UNC5C: variants seen among roughly 807,000 people sequenced by gnomAD.
UNC5C encodes netrin receptor UNC5C.
Under a neutral mutation model 99.8 loss-of-function variants are expected in UNC5C, and 47 were observed. That is an observed-to-expected ratio of 0.47 (90% confidence interval 0.37 to 0.60). The LOEUF (loss-of-function observed/expected upper bound fraction) is 0.60, where lower values mean the gene tolerates loss of function less well. Among genes scored for constraint, UNC5C ranks in the 20% least tolerant of loss-of-function variants. UNC5C has a pLI of 0.00. For missense variants in UNC5C, 1,062 were observed against 1,165.9 expected (o/e 0.91, Z 1.30); for synonymous variants, 487 against 452.2 (o/e 1.08, Z -0.98).
chr4:95,512,099 G>A (rs1383362407), intron 1 of UNC5C, among the ~76,000 whole-genome samples: 1 of 152,142 alleles, frequency 6.6e-6, no homozygotes, highest in Non-Finnish European at 1.5e-5. Flanking sequence ...CAGGAGGCAG[G>A]AGCGAGAAGG....
intron 2 of UNC5C, among the ~76,000 whole-genome samples, chr4:95,302,127 C>T (rs998063455): frequency 6.6e-6 from 1 of 152,068 alleles, no homozygotes; most frequent in African/African-American, 2.4e-5. Context: ...GTAAAATAAA[C>T]GTATGTACAC....
chr4:95,506,636 T>A (rs886582085), intron 1 of UNC5C, among the ~76,000 whole-genome samples: 1 of 151,970 alleles, frequency 6.6e-6, no homozygotes, highest in Non-Finnish European at 1.5e-5. Flanking sequence ...AAAATGGCTA[T>A]GTAGTCAGCC....
At chr4:95,221,324 A>G (rs1738460327) in intron 7 of UNC5C, among the ~76,000 whole-genome samples, 1 of 152,172 alleles carries the variant, frequency 6.6e-6, no homozygotes, top group African/African-American at 2.4e-5. Flanking sequence ...GGTCAATTTT[A>G]TATACATGTA....
chr4:95,476,504 G>A (rs180957644), intron 1 of UNC5C, among the ~76,000 whole-genome samples: 1 of 151,974 alleles, frequency 6.6e-6, no homozygotes, highest in East Asian at 1.9e-4. Flanking sequence ...TAACTTTTTA[G>A]AACTGGGGTG....
At chr4:95,269,433 C>T (rs1035364174) in intron 4 of UNC5C, among the ~76,000 whole-genome samples, 2 of 152,078 alleles carry the variant, frequency 1.3e-5, no homozygotes, top group Non-Finnish European at 2.9e-5. Context: ...TAGCACACAC[C>T]GCCATGCCTG....
At chr4:95,457,955 A>G (rs1452541624) in intron 1 of UNC5C, among the ~76,000 whole-genome samples, 2 of 152,140 alleles carry the variant, frequency 1.3e-5, no homozygotes, top group Non-Finnish European at 2.9e-5. Flanking sequence ...ATTCTGTTCT[A>G]TAGAACTCTG....
Position 95,392,012 on chromosome 4 carries a change from G to A in UNC5C, c.125-56381C>T, listed in dbSNP as rs1046790147. On this transcript the variant is annotated intron_variant, in intron 1 of 15. Coordinates refer to ENST00000453304, the MANE Select transcript of UNC5C (RefSeq NM_003728.4). Reference sequence around the variant, plus strand: ...GTCGAGGCTGCAGTGAGCTGTGTTCGTGCCATTGCACTCCAGCCTGGGTGA... The same window carrying A: ...GTCGAGGCTGCAGTGAGCTGTGTTCATGCCATTGCACTCCAGCCTGGGTGA... 3.3e-5 allele frequency among the ~76,000 whole-genome samples: 5 copies of A among 152,114 alleles called. No homozygotes were observed. In the East Asian group the frequency reaches 5.8e-4, roughly 18 times the overall value.
intron 1 of UNC5C, among the ~76,000 whole-genome samples, chr4:95,477,458 T>C (rs1291060266): frequency 6.6e-6 from 1 of 152,014 alleles, no homozygotes; most frequent in African/African-American, 2.4e-5. Flanking sequence ...GCCAGCTCTG[T>C]GAAACTGAAG....
At chr4:95,388,581 C>G (rs560980927) in intron 1 of UNC5C, among the ~76,000 whole-genome samples, 1 of 152,278 alleles carries the variant, frequency 6.6e-6, no homozygotes, top group South Asian at 2.1e-4. Flanking sequence ...TTTCCTTCTT[C>G]TTAACTCCTG....
chr4:95,481,563 G>A (rs895832995), intron 1 of UNC5C, among the ~76,000 whole-genome samples: 1 of 152,002 alleles, frequency 6.6e-6, no homozygotes, highest in African/African-American at 2.4e-5. Flanking sequence ...TCAATCCTAA[G>A]CCAAAAGAAC....
chr4:95,361,442 G>T (rs1744390440), intron 1 of UNC5C, among the ~76,000 whole-genome samples: 1 of 152,118 alleles, frequency 6.6e-6, no homozygotes. Context: ...GAATTAAAAA[G>T]CAAACAAAAC....
At chr4:95,322,529 G>C (rs890397501) in intron 2 of UNC5C, among the ~76,000 whole-genome samples, 2 of 152,208 alleles carry the variant, frequency 1.3e-5, no homozygotes, top group South Asian at 4.1e-4. Context: ...TGAAGAGACA[G>C]AGATTACATA....
chr4:95,167,156 T>G lies in UNC5C; in HGVS notation c.*2078A>C, dbSNP rs1270137075. On this transcript the variant is annotated 3_prime_UTR_variant, in exon 16 of 16. Coordinates refer to ENST00000453304, the MANE Select transcript of UNC5C (RefSeq NM_003728.4). ...GGAAACATGGAAAGATGGAAGCACA[T>G]GTATAATTCAAGTCTGTTCAGCAAC... is the stretch of plus-strand genomic sequence containing the variant. 1 of 152,200 alleles carries G rather than the reference T, an allele frequency of 6.6e-6. No individual in the cohort carries two copies. Among genetic ancestry groups the G allele is most frequent in the Non-Finnish European group, 1.5e-5 (1 of 68,036 alleles). The allele number at this position is 152,200 out of a possible 1,614,324, so 9.4% of individuals were successfully genotyped here.
intron 1 of UNC5C, among the ~76,000 whole-genome samples, chr4:95,357,484 T>A (rs1744248592): frequency 6.6e-6 from 1 of 151,264 alleles, no homozygotes; most frequent in Non-Finnish European, 1.5e-5. Context: ...AAGCTATTAT[T>A]AAAAAACTAA....
intron 4 of UNC5C, among the ~76,000 whole-genome samples, chr4:95,271,442 G>C (rs1376940522): frequency 6.6e-6 from 1 of 152,102 alleles, no homozygotes; most frequent in Non-Finnish European, 1.5e-5. Flanking sequence ...TGTTAGCCAG[G>C]ATGGTCTCGA....
intron 1 of UNC5C, among the ~76,000 whole-genome samples, chr4:95,510,285 A>G (rs1722034870): frequency 1.3e-5 from 2 of 152,022 alleles, no homozygotes; most frequent in African/African-American, 4.8e-5. Flanking sequence ...ACTATTATCA[A>G]GTAAATATTT....
intron 1 of UNC5C, among the ~76,000 whole-genome samples, chr4:95,525,543 T>C (rs1722474694): frequency 7.8e-6 from 1 of 128,884 alleles, no homozygotes; most frequent in African/African-American, 3.0e-5. Flanking sequence ...CCTAAGACAG[T>C]ACATTAAAAA....
At position 95,296,467 on chromosome 4, in the gene UNC5C, T is replaced by C. The variant is rs538068642; in HGVS notation, c.490+5139A>G. ...TGCAAAGAAAGGGGTCTTATACCTA[T>C]ATGTACTTAATGTTTGTGTGCTGAA... is the stretch of plus-strand genomic sequence containing the variant. On this transcript the variant is annotated intron_variant, in intron 3 of 15. Transcript: ENST00000453304. Among the ~76,000 whole-genome samples, 202 of 152,324 alleles carry C rather than the reference T, an allele frequency of 1.3e-3. 2 individuals carry two copies. Among genetic ancestry groups the C allele is most frequent in the East Asian group, 3.9e-4 (2 of 5,192 alleles).
intron 1 of UNC5C, among the ~76,000 whole-genome samples, chr4:95,507,909 T>G (rs1375080919): frequency 6.6e-6 from 1 of 152,064 alleles, no homozygotes; most frequent in Non-Finnish European, 1.5e-5. Context: ...TGGATCAATG[T>G]GAAGCCATGA....
Sources: gnomAD v4.1 joint callset for allele counts (sites outside exome capture counted in the v4.1 genomes callset) on GRCh38, gnomAD v4.1.1 for gene constraint, MANE v1.5 for transcripts, NCBI Gene and HGNC (gene_info 2026-07-23, HGNC 2026-07-21) for gene names.